Variants in LRRD1 observed in about 807,000 individuals in gnomAD.
LRRD1 encodes leucine rich repeats and death domain containing 1.
Under a neutral mutation model 69.5 loss-of-function variants are expected in LRRD1, and 49 were observed. That is an observed-to-expected ratio of 0.70 (90% confidence interval 0.56 to 0.89). The LOEUF (loss-of-function observed/expected upper bound fraction) is 0.89, where lower values mean the gene tolerates loss of function less well. Among genes scored for constraint, LRRD1 ranks in the 40% least tolerant of loss-of-function variants. The probability of loss-of-function intolerance (pLI) is 0.00; values close to 1 mark genes in which losing one functional copy is unlikely to be tolerated. For synonymous variants in LRRD1, 303 were observed against 338.9 expected (o/e 0.89, Z 1.16); for missense variants, 853 against 956.0 (o/e 0.89, Z 1.42).
chr7:92,170,156 G>A (rs1008120100), intron 1 of LRRD1, among the ~76,000 whole-genome samples: 1 of 149,608 alleles, frequency 6.7e-6, no homozygotes, highest in Admixed American at 6.7e-5. Flanking sequence ...AAGGAAGGAA[G>A]GAAGGAGGGA....
At position 92,164,197 on chromosome 7, in the gene LRRD1, T is replaced by C. The variant is rs1224839081; in HGVS notation, c.1006A>G (p.Asn336Asp). The stretch of plus-strand genomic sequence containing the variant: ...TCTACAGCCAGAAAGGTAAGCTTAT[T>C]GTGATCCATTAAAAGTGTTTCTAAA... ...KNLETLLMDH[N>D]KLTFLAVEIF... The change falls in exon 2 of 6, where the codon AAT becomes GAT. Residue 336 changes from asparagine to aspartate, a missense_variant. Physicochemically the swap from Asn to Asp is conservative, Grantham distance 23 (BLOSUM62 1). This residue lies in a region of LRRD1 where 739 missense variants were observed against 808.0 expected (regional missense o/e 0.91). Transcript: ENST00000458448. 3 of 1,549,636 alleles carry C rather than the reference T, an allele frequency of 1.9e-6. No homozygotes were observed. The highest frequency in any genetic ancestry group is 2.6e-6 in the Non-Finnish European group (3 of 1,146,398).
intron 1 of LRRD1, among the ~76,000 whole-genome samples, chr7:92,176,514 GTC>G (rs932949900): frequency 6.6e-6 from 1 of 150,548 alleles, no homozygotes; most frequent in Non-Finnish European, 1.5e-5. Flanking sequence ...AGCTATCTTT[GTC>G]TTGTTCCTTT....
rs1584648893 is a variant in LRRD1, at chr7:92,146,895, C to G, written c.2279-695G>C. Among the ~76,000 whole-genome samples, 7 of 150,516 alleles carry G rather than the reference C, an allele frequency of 4.7e-5. No individual in the cohort carries two copies. In the South Asian group the frequency reaches 1.5e-3, roughly 32 times the overall value. On this transcript the variant is annotated intron_variant, in intron 4 of 5. Coordinates refer to ENST00000458448, the MANE Select transcript of LRRD1 (RefSeq NM_001161528.2). ...CAAGATTGCACCATTGTACTCCAGC[C>G]TGGGCAACAAGAGTGAAACTCCGTC... is the stretch of plus-strand genomic sequence containing the variant.
At position 92,146,147 on chromosome 7, in the gene LRRD1, T is replaced by G; in HGVS notation, c.2332A>C (p.Asn778His). 1 of 1,543,046 alleles carries G rather than the reference T, an allele frequency of 6.5e-7. No homozygotes were observed. The highest frequency in any genetic ancestry group is 8.7e-7 in the Non-Finnish European group (1 of 1,144,054). The change falls in exon 5 of 6, where the codon AAT (asparagine) becomes CAT (histidine). Residue 778 changes from asparagine to histidine, a missense_variant. This residue lies in a region of LRRD1 where 739 missense variants were observed against 808.0 expected (regional missense o/e 0.91). Transcript: ENST00000458448. ...KIVANNITET[N>H]FEFLCQKLNL... ...AGTTTTTGACATAAAAATTCAAAAT[T>G]GGTTTCAGTGATGTTGTTGGCAACT...
chr7:92,163,383 A>C lies in LRRD1; in HGVS notation c.1820T>G (p.Leu607Ter). The C allele has an allele frequency of 5.2e-6, 8 of 1,547,922 alleles. No individual in the cohort carries two copies. Among genetic ancestry groups the C allele is most frequent in the Non-Finnish European group, 7.0e-6 (8 of 1,145,982 alleles). The stretch of plus-strand genomic sequence containing the variant: ...TATAAATTGATTGCTTGAGAAGTTT[A>C]ATTTCTGGATTCCTTTTAAATTACA... Reference protein sequence around the residue: ...DICNLKGIQKLNFSSNQFIHF... With the variant: ...DICNLKGIQK The change falls in exon 2 of 6, where the codon TTA becomes TGA. Residue 607 changes from leucine (L) to a stop codon, truncating the protein, a stop_gained. Coordinates refer to ENST00000458448, the MANE Select transcript of LRRD1 (RefSeq NM_001161528.2). LOFTEE classifies it high-confidence loss of function.
chr7:92,145,151 T>C, intron 5 of LRRD1, 77 bp from the exon 6 acceptor site: 1 of 789,218 alleles, frequency 1.3e-6, no homozygotes, highest in Non-Finnish European at 1.7e-6. Context: ...GATAATTATC[T>C]GAATTGTCAA....
chr7:92,150,397 C>T (rs979268845), intron 4 of LRRD1, 137 bp downstream of exon 4: 5 of 670,870 alleles, frequency 7.5e-6, no homozygotes, highest in African/African-American at 7.4e-5. Context: ...CCCAGGAGTC[C>T]GAGGCTGCAG....
chr7:92,164,394 CTT>C lies in LRRD1; in HGVS notation c.807_808del (p.Arg270ThrfsTer8). On this transcript the variant is annotated frameshift_variant, in exon 2 of 6. Transcript: ENST00000458448. LOFTEE classifies it high-confidence loss of function. ...ACTAGGCAGAGTATCTGGTATATGT[CTT>C]AACTTATTTTTACCCAAACTTAAAA... 6.5e-7 allele frequency: 1 copy of C among 1,548,394 alleles called. No individual in the cohort carries two copies. The highest frequency in any genetic ancestry group is 8.7e-7 in the Non-Finnish European group (1 of 1,146,018).
Position 92,165,047 on chromosome 7 carries a change from A to G in LRRD1, c.156T>C (p.Ser52=). 6.4e-7 allele frequency: 1 copy of G among 1,551,640 alleles called. No homozygotes were observed. Among genetic ancestry groups the G allele is most frequent in the African/African-American group, 1.4e-5 (1 of 73,176 alleles). Residue 52 remains serine (S), a synonymous_variant, in exon 2 of 6, where the codon TCT becomes TCC. Transcript: ENST00000458448. ...EASDYLEGKS[S]NQIYETHPRQ... ...TAGGATGTGTTTCATAAATCTGGTT[A>G]GAAGATTTCCCTTCCAGGTAATCAG...
At chr7:92,145,338 G>A (rs1329555590) in intron 5 of LRRD1, among the ~76,000 whole-genome samples, 3 of 150,542 alleles carry the variant, frequency 2.0e-5, no homozygotes, top group Non-Finnish European at 4.4e-5. Context: ...TACCCTTATA[G>A]AAAATCAGCA....
In LRRD1 at chr7:92,159,106, TC is replaced by T. The variant is rs1788743001; in HGVS notation, c.2014del (p.Glu672AsnfsTer2). ...AIREIPRNIG[E>X]LRNLVSLHAY... Reference sequence around the variant, plus strand: ...ATGTAAACTAACCAAATTTCTCAATTCTCCTATATTTCTTGGAATCTCTCTG... The same window carrying T: ...ATGTAAACTAACCAAATTTCTCAATTTCCTATATTTCTTGGAATCTCTCTG... On this transcript the variant is annotated frameshift_variant, in exon 3 of 6. Coordinates refer to ENST00000458448, the MANE Select transcript of LRRD1 (RefSeq NM_001161528.2). LOFTEE classifies it high-confidence loss of function. 1.3e-6 allele frequency: 2 copies of T among 1,548,040 alleles called. No individual in the cohort carries two copies. The highest frequency in any genetic ancestry group is 1.7e-6 in the Non-Finnish European group (2 of 1,145,470).
At chr7:92,178,578 G>A (rs1181545667) in intron 1 of LRRD1, among the ~76,000 whole-genome samples, 4 of 151,656 alleles carry the variant, frequency 2.6e-5, no homozygotes, top group Non-Finnish European at 2.9e-5. Flanking sequence ...GCTGAGACAG[G>A]AGAATTACTT....
chr7:92,142,910 A>C (rs1820197352), downstream of LRRD1: 1 of 337,300 alleles, frequency 3.0e-6, no homozygotes, highest in Admixed American at 4.1e-5. Context: ...CAAAGAGCGA[A>C]AGAACAATGC....
In LRRD1 at chr7:92,151,897, C is replaced by T. The variant is rs148788943; in HGVS notation, c.2117-1202G>A. On this transcript the variant is annotated intron_variant, in intron 3 of 5. Coordinates refer to ENST00000458448, the MANE Select transcript of LRRD1 (RefSeq NM_001161528.2). ...CCGGGAGGCAGAGGTTGCAGGGAGC[C>T]GAGATAATGCCATTGCACTCCAGCC... Among the ~76,000 whole-genome samples the T allele has an allele frequency of 3.4e-5, 5 of 148,470 alleles. No individual in the cohort carries two copies. The East Asian group carries it at 5.9e-4, about 18-fold the overall frequency.
downstream of LRRD1, chr7:92,141,695 G>A (rs1820150445): frequency 1.3e-5 from 2 of 152,026 alleles, no homozygotes; most frequent in African/African-American, 4.8e-5. Context: ...TGCCTCCAGT[G>A]GAAAACATTA....
rs765380812 is a variant in LRRD1, at chr7:92,163,443, G to A, written c.1760C>T (p.Ser587Leu). The A allele has an allele frequency of 1.9e-5, 30 of 1,544,578 alleles. No homozygotes were observed. The highest frequency in any genetic ancestry group is 1.9e-4 in the African/African-American group (14 of 72,486). Residue 587 changes from serine (S) to leucine (L), a missense_variant, in exon 2 of 6, where the codon TCG becomes TTG. This residue lies in a region of LRRD1 where 739 missense variants were observed against 808.0 expected (regional missense o/e 0.91). Transcript: ENST00000458448. ...AGAGATTTTCTGTAATTGGTTTTCCGAAAGATCAAGTACTTGCAAATTTTC... is the reference window on the plus strand; with the variant it reads ...AGAGATTTTCTGTAATTGGTTTTCCAAAAGATCAAGTACTTGCAAATTTTC... ...TLENLQVLDL[S>L]ENQLQKISSD...
intron 4 of LRRD1, among the ~76,000 whole-genome samples, chr7:92,147,473 GTGTTTTGTTT>G (rs66668611): frequency 0.025 from 3,815 of 149,876 alleles, 169 homozygotes; most frequent in African/African-American, 0.085. Context: ...GTGCGTGGGT[GTGTTTTGTTT>G]TGTTTTGTTT....
chr7:92,174,509 A>ATATATATGTATATATAT, intron 1 of LRRD1, among the ~76,000 whole-genome samples: 1 of 12,870 alleles, frequency 7.8e-5, no homozygotes, highest in East Asian at 1.4e-3. Context: ...ATATATATAT[A>ATATATATGTATATATAT]TTTTTTTTTT....
intron 1 of LRRD1, among the ~76,000 whole-genome samples, chr7:92,166,035 C>T (rs1420621985): frequency 6.6e-6 from 1 of 152,106 alleles, no homozygotes; most frequent in Non-Finnish European, 1.5e-5. Flanking sequence ...AGTGAAATGT[C>T]TTAAGGAAGG....
Sources: allele counts gnomAD v4.1 joint callset (sites outside exome capture counted in the v4.1 genomes callset), GRCh38; gene constraint gnomAD v4.1.1; regional missense constraint gnomAD v4.1.1; transcripts MANE v1.5; gene names NCBI Gene and HGNC (gene_info 2026-07-23, HGNC 2026-07-21).